PHEX: variants seen among roughly 807,000 people sequenced by gnomAD.
The protein encoded by PHEX is phosphate-regulating neutral endopeptidase PHEX.
Under a neutral mutation model 68.0 loss-of-function variants are expected in PHEX, and 16 were observed. The ratio of observed to expected loss-of-function variants is 0.24; its 90% CI spans 0.16 to 0.36. PHEX has a LOEUF of 0.36. Ranked by LOEUF, PHEX falls within the 10% of genes least tolerant of loss-of-function variation. PHEX has a pLI of 1.00. For missense variants in PHEX, 480 were observed against 575.5 expected, an observed-to-expected ratio of 0.83 and a Z score of 1.70; for synonymous variants, 208 against 205.1, an observed-to-expected ratio of 1.01 and a Z score of -0.12.
chrX:22,205,774 C>T (rs1173954768), intron 15 of PHEX, among the ~76,000 whole-genome samples: 3 of 110,989 alleles, frequency 2.7e-5, no homozygotes, highest in Non-Finnish European at 3.8e-5. Flanking sequence ...GATAACTTTT[C>T]TGAACCATAC....
intron 14 of PHEX, among the ~76,000 whole-genome samples, chrX:22,187,083 A>G (rs750374074): frequency 8.0e-5 from 9 of 112,143 alleles, no homozygotes; most frequent in African/African-American, 2.9e-4. Context: ...ACAAACTCCT[A>G]CAACCTAAGC....
intron 1 of PHEX, among the ~76,000 whole-genome samples, chrX:22,037,062 G>T (rs1223155482): frequency 3.9e-5 from 4 of 101,311 alleles, no homozygotes; most frequent in African/African-American, 1.5e-4. Flanking sequence ...TCACCCCACT[G>T]CACTCCAGCC....
chrX:22,226,388 A>T, intron 18 of PHEX, 55 bp from the exon 19 acceptor site: 8 of 844,023 alleles, frequency 9.5e-6, no homozygotes, highest in Non-Finnish European at 1.4e-5. Flanking sequence ...GCTGAATGAT[A>T]GTTGACCGTG....
chrX:22,126,376 T>C lies in PHEX; in HGVS notation c.1303-7147T>C, dbSNP rs1399671381. ...GTGTTTGGGATTCATGGGTATGAGA[T>C]AGGATTTGAGTTGCCTTGTGGGATT... On this transcript the variant is annotated intron_variant, in intron 11 of 21. Transcript: ENST00000379374. 2.7e-5 allele frequency among the ~76,000 whole-genome samples: 3 copies of C among 112,075 alleles called. No homozygotes were observed. The East Asian group carries it at 8.4e-4, about 31-fold the overall frequency.
At chrX:22,097,707 A>G in intron 8 of PHEX, 2 of 702,620 alleles carry the variant, frequency 2.8e-6, no homozygotes, top group Non-Finnish European at 3.4e-6. Flanking sequence ...AAAAAACACC[A>G]TATGGTGTTT....
intron 3 of PHEX, among the ~76,000 whole-genome samples, chrX:22,056,455 C>A (rs1397152801): frequency 9.0e-6 from 1 of 110,557 alleles, no homozygotes; most frequent in Non-Finnish European, 1.9e-5. Flanking sequence ...TCATTCATAT[C>A]TAGCAAGAGG....
intron 3 of PHEX, among the ~76,000 whole-genome samples, chrX:22,056,391 T>G (rs1287595857): frequency 9.0e-6 from 1 of 111,447 alleles, no homozygotes; most frequent in East Asian, 2.8e-4. Context: ...TCGTATTTCC[T>G]TCTAAGTCTG....
chrX:22,176,316 G>T (rs1933691399), intron 13 of PHEX, among the ~76,000 whole-genome samples: 1 of 105,163 alleles, frequency 9.5e-6, no homozygotes, highest in Non-Finnish European at 1.9e-5. Flanking sequence ...GAACCTGGGA[G>T]GTAGAGGTTG....
chrX:22,184,329 G>T (rs16981825), intron 14 of PHEX, among the ~76,000 whole-genome samples: 3,011 of 110,166 alleles, frequency 0.027, 112 homozygotes, highest in African/African-American at 0.095. Context: ...TGGCTTGAAT[G>T]GACATCTTTC....
intron 12 of PHEX, among the ~76,000 whole-genome samples, chrX:22,160,081 T>A (rs1429089634): frequency 2.7e-5 from 3 of 112,255 alleles, no homozygotes; most frequent in South Asian, 3.7e-4. Flanking sequence ...ATGTTCAGTA[T>A]GTGTATTAGT....
At chrX:22,223,588 T>A (rs1569432749) in intron 18 of PHEX, among the ~76,000 whole-genome samples, 1 of 111,165 alleles carries the variant, frequency 9.0e-6, no homozygotes, top group Admixed American at 9.6e-5. Flanking sequence ...CTACAGAAAA[T>A]TTTTTAAAAA....
chrX:22,239,919 A>C (rs1936125793), intron 20 of PHEX, among the ~76,000 whole-genome samples: 1 of 111,536 alleles, frequency 9.0e-6, no homozygotes, highest in Non-Finnish European at 1.9e-5. Context: ...CGAAAAGAGC[A>C]ACCCAAGACA....
At chrX:22,212,405 T>C (rs1303427370) in intron 15 of PHEX, among the ~76,000 whole-genome samples, 1 of 111,893 alleles carries the variant, frequency 8.9e-6, no homozygotes, top group Non-Finnish European at 1.9e-5. Context: ...GCACATTTTC[T>C]CTGCTCACAC....
intron 5 of PHEX, among the ~76,000 whole-genome samples, chrX:22,080,458 T>C (rs1929341511): frequency 9.0e-6 from 1 of 111,595 alleles, no homozygotes; most frequent in Non-Finnish European, 1.9e-5. Flanking sequence ...GTCTTCCTGA[T>C]GACACATTTA....
chrX:22,214,271 T>C (rs183853676), intron 16 of PHEX, among the ~76,000 whole-genome samples: 1 of 111,818 alleles, frequency 8.9e-6, no homozygotes, highest in East Asian at 2.8e-4. Context: ...CTTCTGACTC[T>C]CATCTTCTGT....
chrX:22,116,753 A>T (rs1931251402), intron 11 of PHEX, among the ~76,000 whole-genome samples: 1 of 111,588 alleles, frequency 9.0e-6, no homozygotes, highest in Non-Finnish European at 1.9e-5. Context: ...TAGCTAGGTT[A>T]AACATTAAAA....
chrX:22,096,824 G>T, intron 7 of PHEX, 131 bp from the exon 8 acceptor site: 1 of 510,675 alleles, frequency 2.0e-6, no homozygotes. Flanking sequence ...TCTCTTCCCC[G>T]AGTTGGGGAC....
chrX:22,133,436 A>G, intron 11 of PHEX, 87 bp from the exon 12 acceptor site: 1 of 666,359 alleles, frequency 1.5e-6, no homozygotes, highest in Non-Finnish European at 2.5e-6. Flanking sequence ...GTAAAGAGTC[A>G]TTTCTCATGC....
chrX:22,104,915 A>T (rs1434454752), intron 9 of PHEX, among the ~76,000 whole-genome samples: 2 of 111,880 alleles, frequency 1.8e-5, no homozygotes, highest in African/African-American at 6.5e-5. Flanking sequence ...CCTAGAGCAA[A>T]CCCTTGGAGT....
Sources: allele counts gnomAD v4.1 joint callset (sites outside exome capture counted in the v4.1 genomes callset), GRCh38; gene constraint gnomAD v4.1.1; transcripts MANE v1.5; gene names NCBI Gene and HGNC (gene_info 2026-07-23, HGNC 2026-07-21).